SMAD6: variants seen among roughly 807,000 people sequenced by gnomAD.
The protein encoded by SMAD6 is MAD homolog 6.
Under a neutral mutation model 39.4 loss-of-function variants are expected in SMAD6, and 103 were observed. That is an observed-to-expected ratio of 2.62 (90% CI 2.23 to 3.08). The LOEUF (loss-of-function observed/expected upper bound fraction) is 3.08, where lower values mean the gene tolerates loss of function less well. SMAD6 is among the 30% of genes most tolerant of loss of function. SMAD6 has a pLI of 0.00. For missense variants in SMAD6, 1,104 were observed against 742.9 expected, an observed-to-expected ratio of 1.49 and a Z score of -5.65; for synonymous variants, 445 against 353.3, an observed-to-expected ratio of 1.26 and a Z score of -2.91.
At chr15:66,768,144 T>C (rs1894322038) in intron 3 of SMAD6, among the ~76,000 whole-genome samples, 1 of 151,972 alleles carries the variant, frequency 6.6e-6, no homozygotes, top group Non-Finnish European at 1.5e-5. Flanking sequence ...GATAATTTTT[T>C]ATTTTTTTGT....
chr15:66,739,796 A>G (rs1893780950), intron 3 of SMAD6, among the ~76,000 whole-genome samples: 1 of 152,164 alleles, frequency 6.6e-6, no homozygotes, highest in African/African-American at 2.4e-5. Context: ...TGTTTAAATT[A>G]AAAGAAAAAT....
At chr15:66,705,438 GCTTT>G (rs1339984013) in intron 1 of SMAD6, 10 of 152,332 alleles carry the variant, frequency 6.6e-5, no homozygotes, top group African/African-American at 2.4e-4. Flanking sequence ...CTCATGCCAG[GCTTT>G]CTATGTACTC....
intron 1 of SMAD6, 50 bp from the exon 2 acceptor site, chr15:66,711,618 G>T: frequency 7.2e-7 from 1 of 1,383,036 alleles, no homozygotes; most frequent in African/African-American, 1.4e-5. Context: ...TAGAACCTGA[G>T]GTGTGAGCTC....
chr15:66,732,065 T>A (rs1893640885), intron 3 of SMAD6, among the ~76,000 whole-genome samples: 1 of 151,108 alleles, frequency 6.6e-6, no homozygotes, highest in Non-Finnish European at 1.5e-5. Flanking sequence ...TGTCTCAGCC[T>A]CTCGAGTAGC....
At chr15:66,750,593 T>TAA (rs1468873084) in intron 3 of SMAD6, among the ~76,000 whole-genome samples, 7 of 149,398 alleles carry the variant, frequency 4.7e-5, no homozygotes, top group African/African-American at 1.2e-4. Flanking sequence ...GGAGCAGACC[T>TAA]CGCACCAAAA....
chr15:66,710,294 G>A (rs1175748458), intron 1 of SMAD6, among the ~76,000 whole-genome samples: 3 of 152,142 alleles, frequency 2.0e-5, no homozygotes, highest in Non-Finnish European at 4.4e-5. Flanking sequence ...AAAGTGATTG[G>A]CATGGAGTGA....
At chr15:66,726,536 G>A (rs1034723347) in intron 3 of SMAD6, among the ~76,000 whole-genome samples, 2 of 152,182 alleles carry the variant, frequency 1.3e-5, no homozygotes, top group Non-Finnish European at 1.5e-5. Flanking sequence ...CTCTTAAGTA[G>A]GCAGACCCTG....
At chr15:66,739,538 G>A (rs1251872852) in intron 3 of SMAD6, among the ~76,000 whole-genome samples, 3 of 152,208 alleles carry the variant, frequency 2.0e-5, no homozygotes, top group African/African-American at 7.2e-5. Flanking sequence ...TTGGCGGAGG[G>A]GAGGGGGCAC....
Position 66,703,924 on chromosome 15 carries a change from G to C in SMAD6, c.666G>C (p.Pro222=). Residue 222 remains proline, a synonymous_variant, in exon 1 of 4, where the codon CCG becomes CCC. Transcript: ENST00000288840. ...GCCTGGGCGGCCAGCCCGCGCCGCC[G>C]CAGCTGCTGCTCGGCCGCCTCTTTC... ...DLRLGGQPAP[P]QLLLGRLFRW... is the part of the protein sequence containing the mutation. 7.6e-7 allele frequency: 1 copy of C among 1,319,838 alleles called. No individual in the cohort carries two copies. 81.8% of individuals were successfully genotyped at this position (1,319,838 alleles called of 1,614,324 possible).
intron 3 of SMAD6, among the ~76,000 whole-genome samples, chr15:66,763,401 G>A (rs1894236186): frequency 6.6e-6 from 1 of 152,200 alleles, no homozygotes; most frequent in East Asian, 1.9e-4. Context: ...GTGCCCTTGG[G>A]GACTGGCCCA....
At position 66,704,088 on chromosome 15, in the gene SMAD6, C is replaced by A; in HGVS notation, c.817+13C>A. ...CTCTGCGGGCCCGGTGAGCGCGCTG[C>A]GCCGGCCGGGGGGGCCCCGGGTCCC... On this transcript the variant is annotated intron_variant, in intron 1 of 3. Coordinates refer to ENST00000288840, the MANE Select transcript of SMAD6 (RefSeq NM_005585.5). The A allele has an allele frequency of 6.9e-7, 1 of 1,455,250 alleles. No individual in the cohort carries two copies. Among genetic ancestry groups the A allele is most frequent in the Non-Finnish European group, 9.0e-7 (1 of 1,110,632 alleles). The allele number at this position is 1,455,250 out of a possible 1,614,324, so 90.1% of individuals were successfully genotyped here.
chr15:66,764,793 G>A (rs1170512923), intron 3 of SMAD6, among the ~76,000 whole-genome samples: 1 of 152,086 alleles, frequency 6.6e-6, no homozygotes, highest in African/African-American at 2.4e-5. Context: ...TTGATCTCAC[G>A]GCTTCATTTT....
At chr15:66,753,156 T>C (rs1363778722) in intron 3 of SMAD6, among the ~76,000 whole-genome samples, 1 of 152,172 alleles carries the variant, frequency 6.6e-6, no homozygotes, top group Non-Finnish European at 1.5e-5. Context: ...TTGTCTTCCT[T>C]CCTCTTCTCC....
At chr15:66,761,263 G>C (rs1010301589) in intron 3 of SMAD6, among the ~76,000 whole-genome samples, 1 of 152,100 alleles carries the variant, frequency 6.6e-6, no homozygotes, top group Non-Finnish European at 1.5e-5. Flanking sequence ...TAGCAGCCCC[G>C]TACAATGGAA....
At chr15:66,734,193 T>C (rs1046119436) in intron 3 of SMAD6, among the ~76,000 whole-genome samples, 1 of 152,228 alleles carries the variant, frequency 6.6e-6, no homozygotes. Context: ...CACATTTGGC[T>C]GTTTTCAGAG....
chr15:66,746,113 C>T (rs528847341), intron 3 of SMAD6, among the ~76,000 whole-genome samples: 2 of 152,324 alleles, frequency 1.3e-5, no homozygotes, highest in South Asian at 4.1e-4. Context: ...GCACTGGGCT[C>T]ACCAGCCTCT....
At chr15:66,757,424 G>A (rs557769727) in intron 3 of SMAD6, among the ~76,000 whole-genome samples, 2 of 152,298 alleles carry the variant, frequency 1.3e-5, no homozygotes, top group East Asian at 3.9e-4. Context: ...TGTGGACTCA[G>A]GAGACAGCGG....
chr15:66,756,996 A>G (rs1436951276), intron 3 of SMAD6, among the ~76,000 whole-genome samples: 1 of 151,992 alleles, frequency 6.6e-6, no homozygotes, highest in Non-Finnish European at 1.5e-5. Context: ...AGTGGAAAAA[A>G]CCCTGACTGG....
intron 3 of SMAD6, among the ~76,000 whole-genome samples, chr15:66,752,927 A>G (rs573728696): frequency 1.1e-4 from 16 of 152,362 alleles, no homozygotes; most frequent in Non-Finnish European, 1.8e-4. Context: ...CACAGGAGAC[A>G]GCAAGGGGCA....
Sources: gnomAD v4.1 joint callset for allele counts (sites outside exome capture counted in the v4.1 genomes callset) on GRCh38, gnomAD v4.1.1 for gene constraint, MANE v1.5 for transcripts, NCBI Gene and HGNC (gene_info 2026-07-23, HGNC 2026-07-21) for gene names.